Variants in CDH13 observed in about 807,000 individuals in gnomAD.
The protein encoded by CDH13 is cadherin 13, also known as cadherin-13.
Under a neutral mutation model 63.8 loss-of-function variants are expected in CDH13, and 24 were observed. The observed-to-expected ratio is 0.38, with a 90% CI of 0.27 to 0.53. The LOEUF is 0.53. Among genes scored for constraint, CDH13 ranks in the 20% least tolerant of loss-of-function variants. The pLI is 0.85. For synonymous variants in CDH13, 503 were observed against 355.3 expected (o/e 1.42, Z -4.67); for missense variants, 1,049 against 903.1 (o/e 1.16, Z -2.07).
chr16:82,751,589 G>A (rs536228395), intron 1 of CDH13, among the ~76,000 whole-genome samples: 1 of 151,986 alleles, frequency 6.6e-6, no homozygotes, highest in African/African-American at 2.4e-5. Flanking sequence ...AGAGCCCCAG[G>A]TTCCTGGAAA....
At chr16:82,729,273 C>G (rs943141846) in intron 1 of CDH13, among the ~76,000 whole-genome samples, 1 of 152,110 alleles carries the variant, frequency 6.6e-6, no homozygotes, top group Non-Finnish European at 1.5e-5. Context: ...TCACTTTGCC[C>G]CGATCCATCA....
rs147009287 is a variant in CDH13 at position 82,813,208 on chromosome 16, G to A, written c.46-45154G>A. 8.0e-3 allele frequency among the ~76,000 whole-genome samples: 1,217 copies of A among 152,144 alleles called. 16 individuals are homozygous for A. Among genetic ancestry groups the A allele is most frequent in the Middle Eastern group, 0.037 (11 of 294 alleles). ...ATTGAAATTGGAGAGACATTATCCA[G>A]GCAGGAAAACTATGAGTTAAGGGCT... On this transcript the variant is annotated intron_variant, in intron 1 of 13. Coordinates refer to ENST00000567109, the MANE Select transcript of CDH13 (RefSeq NM_001257.5).
chr16:83,129,417 G>A (rs2035951566), intron 4 of CDH13, among the ~76,000 whole-genome samples: 1 of 152,212 alleles, frequency 6.6e-6, no homozygotes, highest in South Asian at 2.1e-4. Flanking sequence ...TTTCAGAGGT[G>A]GAGGAAATAT....
chr16:82,988,229 C>G (rs147972605), intron 2 of CDH13, among the ~76,000 whole-genome samples: 345 of 152,202 alleles, frequency 2.3e-3, no homozygotes, highest in Admixed American at 4.0e-3. Context: ...TGTAAGAGCA[C>G]GCACACACGT....
At chr16:83,345,584 T>G (rs1348883310) in intron 6 of CDH13, among the ~76,000 whole-genome samples, 2 of 152,172 alleles carry the variant, frequency 1.3e-5, no homozygotes, top group African/African-American at 2.4e-5. Context: ...ACTATAGAGC[T>G]CCCGCTGTCT....
intron 7 of CDH13, among the ~76,000 whole-genome samples, chr16:83,579,684 G>A (rs572819103): frequency 6.6e-6 from 1 of 152,164 alleles, no homozygotes; most frequent in Admixed American, 6.5e-5. Context: ...ATTCACAAGT[G>A]CGTATTCAGC....
At chr16:82,884,488 C>G (rs990698087) in intron 2 of CDH13, 3 of 259,452 alleles carry the variant, frequency 1.2e-5, no homozygotes, top group Non-Finnish European at 1.6e-5. Context: ...TGGAGGCACA[C>G]CATGTCACCC....
At position 83,748,223 on chromosome 16, in the gene CDH13, A is replaced by C; in HGVS notation, c.1654A>C (p.Thr552Pro). ...ESPFVDNSVY[T>P]ALFLAIDSGN... ...CCCATTTGTCGACAACAGCGTGTAC[A>C]CTGCTCTCTTCCTGGCAATTGACAG... Residue 552 changes from threonine (T) to proline (P), a missense_variant, in exon 11 of 14, where the codon ACT (threonine) becomes CCT (proline). Thr to Pro is a conservative substitution (Grantham distance 38, BLOSUM62 -1). Coordinates refer to ENST00000567109, the MANE Select transcript of CDH13 (RefSeq NM_001257.5). 1.2e-6 allele frequency: 2 copies of C among 1,612,654 alleles called. No homozygotes were observed. Among genetic ancestry groups the C allele is most frequent in the East Asian group, 2.2e-5 (1 of 44,848 alleles).
At chr16:83,695,924 C>G (rs1261832496) in intron 10 of CDH13, among the ~76,000 whole-genome samples, 1 of 149,444 alleles carries the variant, frequency 6.7e-6, no homozygotes, top group Non-Finnish European at 1.5e-5. Flanking sequence ...CTGGGTCTGT[C>G]TGTCACCCAG....
chr16:82,723,469 G>A (rs1479823048), intron 1 of CDH13, among the ~76,000 whole-genome samples: 1 of 152,108 alleles, frequency 6.6e-6, no homozygotes, highest in African/African-American at 2.4e-5. Flanking sequence ...GTGGGATGTG[G>A]GATGATGTAA....
rs369911404 is a variant in CDH13, at chr16:83,125,490, G to A, written c.472G>A (p.Asp158Asn). ...PENQRQPFPR[D>N]VGKVVDSDRP... ...GAATCAGAGACAGCCTTTCCCAAGA[G>A]ATGTTGGCAAGGTAAGTCAGACAAA... Residue 158 changes from aspartate (D) to asparagine (N), a missense_variant, in exon 4 of 14, where the codon GAT becomes AAT. Asp to Asn is a conservative substitution (Grantham distance 23). Transcript: ENST00000567109. The A allele has an allele frequency of 1.9e-6, 3 of 1,586,078 alleles. No homozygotes were observed. The highest frequency in any genetic ancestry group is 4.5e-5 in the East Asian group (2 of 44,684).
chr16:82,803,465 T>C (rs1261421015), intron 1 of CDH13, among the ~76,000 whole-genome samples: 1 of 152,214 alleles, frequency 6.6e-6, no homozygotes, highest in African/African-American at 2.4e-5. Context: ...ACTCAGTTTT[T>C]TTTGTAATGC....
At chr16:83,075,786 G>A (rs963716989) in intron 3 of CDH13, among the ~76,000 whole-genome samples, 2 of 152,154 alleles carry the variant, frequency 1.3e-5, no homozygotes, top group Non-Finnish European at 2.9e-5. Context: ...CTGTGCTTCT[G>A]GTGAAGCTTA....
chr16:83,557,856 C>G (rs2075633594), intron 7 of CDH13, among the ~76,000 whole-genome samples: 1 of 152,102 alleles, frequency 6.6e-6, no homozygotes, highest in East Asian at 1.9e-4. Flanking sequence ...AGGGCACATG[C>G]TTCGATCATT....
chr16:83,446,072 G>T (rs144789820), intron 6 of CDH13, among the ~76,000 whole-genome samples: 4,781 of 152,186 alleles, frequency 0.031, 111 homozygotes, highest in Non-Finnish European at 0.043. Flanking sequence ...GCTGAGGTGG[G>T]GGGGCAGATT....
rs897624914 is a variant in CDH13, at chr16:83,217,210, T to C, written c.484-135T>C. 2.6e-5 allele frequency: 20 copies of C among 755,802 alleles called. No individual in the cohort carries two copies. The South Asian group carries it at 3.3e-4, about 12-fold the overall frequency. The allele number at this position is 755,802 out of a possible 1,614,324, so 46.8% of individuals were successfully genotyped here. A position where few individuals can be genotyped will look rare whatever the true frequency, so the allele number is the denominator to read the frequency against. On this transcript the variant is annotated intron_variant, in intron 4 of 13. Coordinates refer to ENST00000567109, the MANE Select transcript of CDH13 (RefSeq NM_001257.5). Reference sequence around the variant, plus strand: ...GATGCTATTTCTGGTGCTGTTACTTTAGTCAAATCTGTGTTCACCAGGTAC... The same window carrying C: ...GATGCTATTTCTGGTGCTGTTACTTCAGTCAAATCTGTGTTCACCAGGTAC...
At chr16:82,889,996 T>G (rs2041023083) in intron 2 of CDH13, among the ~76,000 whole-genome samples, 1 of 152,274 alleles carries the variant, frequency 6.6e-6, no homozygotes, top group South Asian at 2.1e-4. Context: ...CCCAGTACTT[T>G]GTTTTTGAAG....
intron 11 of CDH13, among the ~76,000 whole-genome samples, chr16:83,763,219 GAC>G (rs1311313249): frequency 6.6e-6 from 1 of 152,066 alleles, no homozygotes; most frequent in Non-Finnish European, 1.5e-5. Context: ...TTGCCAAGAA[GAC>G]ACACAGATAT....
intron 6 of CDH13, among the ~76,000 whole-genome samples, chr16:83,349,653 T>A (rs190491471): frequency 6.6e-6 from 1 of 151,308 alleles, no homozygotes; most frequent in Admixed American, 6.6e-5. Context: ...CAGGCTGGAG[T>A]GCAATAGTAT....
Sources: gnomAD v4.1 joint callset for allele counts (sites outside exome capture counted in the v4.1 genomes callset) on GRCh38, gnomAD v4.1.1 for gene constraint, MANE v1.5 for transcripts, NCBI Gene and HGNC (gene_info 2026-07-23, HGNC 2026-07-21) for gene names.